Variants in EBF1 observed in about 807,000 individuals in gnomAD.
EBF1 encodes EBF transcription factor 1.
In EBF1, 10 loss-of-function variants were observed where a neutral mutation model predicts 68.4. That is an observed-to-expected ratio of 0.15 (90% confidence interval 0.09 to 0.25). The LOEUF is 0.25. Ranked by LOEUF, EBF1 falls within the 10% of genes least tolerant of loss-of-function variation. The pLI, the probability that EBF1 is intolerant of heterozygous loss-of-function variation, is 1.00. For synonymous variants in EBF1, 298 were observed against 299.8 expected (o/e 0.99, Z 0.06); for missense variants, 509 against 794.4 (o/e 0.64, Z 4.32).
At chr5:158,903,463 G>C (rs1205388606) in intron 6 of EBF1, among the ~76,000 whole-genome samples, 1 of 152,058 alleles carries the variant, frequency 6.6e-6, no homozygotes, top group Non-Finnish European at 1.5e-5. Context: ...CCTTGATTAG[G>C]GGTTACAGAA....
chr5:158,966,586 C>T (rs1754192045), intron 6 of EBF1, among the ~76,000 whole-genome samples: 1 of 152,130 alleles, frequency 6.6e-6, no homozygotes, highest in Non-Finnish European at 1.5e-5. Flanking sequence ...AAAAAGTACA[C>T]TCTTAGAAGG....
intron 6 of EBF1, among the ~76,000 whole-genome samples, chr5:158,872,081 A>G (rs2128062082): frequency 6.6e-6 from 1 of 152,346 alleles, no homozygotes; most frequent in East Asian, 1.9e-4. Context: ...CAAAACAGAC[A>G]CTAATAAGTA....
chr5:158,902,092 C>CA lies in EBF1; in HGVS notation c.555-61983dup, dbSNP rs573855923. Among the ~76,000 whole-genome samples the CA allele has an allele frequency of 7.2e-5, 11 of 151,904 alleles. No homozygotes were observed. The South Asian group carries it at 2.1e-3, about 29-fold the overall frequency. ...GGCACGACAGAGCAAGACTCCATCT[C>CA]AAAAAACAAAAAAACAAAACAGAAG... is the stretch of plus-strand genomic sequence containing the variant. On this transcript the variant is annotated intron_variant, in intron 6 of 15. Transcript: ENST00000313708.
intron 10 of EBF1, among the ~76,000 whole-genome samples, chr5:158,756,803 TCATGCATGTGC>T (rs1421368206): frequency 1.3e-5 from 2 of 151,780 alleles, no homozygotes; most frequent in African/African-American, 2.4e-5. Context: ...AGTGTGAAAT[TCATGCATGTGC>T]CACGGTTTGT....
intron 6 of EBF1, among the ~76,000 whole-genome samples, chr5:158,885,717 A>G (rs1799907408): frequency 6.6e-6 from 1 of 152,154 alleles, no homozygotes; most frequent in South Asian, 2.1e-4. Flanking sequence ...AAGGTCCACA[A>G]TGTCTGGGCA....
chr5:158,709,515 C>A (rs571365916), intron 14 of EBF1, among the ~76,000 whole-genome samples: 4 of 152,290 alleles, frequency 2.6e-5, no homozygotes, highest in Non-Finnish European at 4.4e-5. Context: ...TCCCATGAGC[C>A]CACCAGAGTC....
At chr5:158,699,653 C>T (rs1303795889) in intron 15 of EBF1, among the ~76,000 whole-genome samples, 1 of 152,196 alleles carries the variant, frequency 6.6e-6, no homozygotes, top group Non-Finnish European at 1.5e-5. Flanking sequence ...TGCTTAGGTC[C>T]TTAAGCTGGG....
At chr5:158,927,966 G>A (rs2127428795) in intron 6 of EBF1, among the ~76,000 whole-genome samples, 2 of 152,306 alleles carry the variant, frequency 1.3e-5, no homozygotes, top group Non-Finnish European at 2.9e-5. Context: ...CACCCAGGCA[G>A]CCTGCCTAAA....
At position 159,079,885 on chromosome 5, in the gene EBF1, G is replaced by A. The variant is rs886643428; in HGVS notation, c.485+4781C>T. 7.2e-5 allele frequency among the ~76,000 whole-genome samples: 11 copies of A among 151,950 alleles called. No homozygotes were observed. The South Asian group carries it at 1.5e-3, about 20-fold the overall frequency. ...CCACCTCGGCCTCCCATAATGCTGG[G>A]ATTACAGACATGAGCCACCGTACCT... On this transcript the variant is annotated intron_variant, in intron 5 of 15. Coordinates refer to ENST00000313708, the MANE Select transcript of EBF1 (RefSeq NM_024007.5).
chr5:158,915,779 C>T (rs1807070607), intron 6 of EBF1, among the ~76,000 whole-genome samples: 1 of 152,158 alleles, frequency 6.6e-6, no homozygotes, highest in African/African-American at 2.4e-5. Context: ...TAAGTAAAAA[C>T]AAGAAAAGAA....
intron 15 of EBF1, among the ~76,000 whole-genome samples, chr5:158,700,068 G>C (rs1756396709): frequency 6.6e-6 from 1 of 152,214 alleles, no homozygotes; most frequent in Non-Finnish European, 1.5e-5. Flanking sequence ...CATGCAAAGT[G>C]CTTAGCCTGG....
chr5:158,777,331 A>G, intron 10 of EBF1, 82 bp downstream of exon 10: 3 of 1,333,352 alleles, frequency 2.2e-6, no homozygotes, highest in South Asian at 2.4e-5. Context: ...AATAAAATAC[A>G]TGCTTTTATA....
chr5:159,075,683 A>C (rs537724093), intron 5 of EBF1, among the ~76,000 whole-genome samples: 1 of 152,124 alleles, frequency 6.6e-6, no homozygotes, highest in African/African-American at 2.4e-5. Flanking sequence ...AGCTTTTCCA[A>C]ATGTCAGTGG....
At chr5:158,934,869 A>G (rs910353893) in intron 6 of EBF1, among the ~76,000 whole-genome samples, 4 of 152,210 alleles carry the variant, frequency 2.6e-5, no homozygotes, top group Non-Finnish European at 5.9e-5. Context: ...TTCTTTATGT[A>G]TATGATTGCA....
At chr5:158,837,549 C>T (rs1384864586) in intron 7 of EBF1, among the ~76,000 whole-genome samples, 1 of 152,154 alleles carries the variant, frequency 6.6e-6, no homozygotes, top group Admixed American at 6.5e-5. Context: ...CTATGTTGTG[C>T]CTCCTCATCT....
rs79562828 is a variant in EBF1, at chr5:158,967,299, A to G, written c.554+106097T>C. 6.7e-3 allele frequency among the ~76,000 whole-genome samples: 1,028 copies of G among 152,326 alleles called. 17 individuals are homozygous for G. Among genetic ancestry groups the G allele is most frequent in the African/African-American group, 0.024 (978 of 41,574 alleles). The stretch of plus-strand genomic sequence containing the variant: ...AAGGTGAAAAATATTCTTATTTTGG[A>G]AAGGCTAAACTAAAATACAAGTTTC... On this transcript the variant is annotated intron_variant, in intron 6 of 15. Transcript: ENST00000313708.
intron 6 of EBF1, among the ~76,000 whole-genome samples, chr5:158,888,615 T>G (rs1800513828): frequency 6.6e-6 from 1 of 152,084 alleles, no homozygotes; most frequent in African/African-American, 2.4e-5. Context: ...ATTGACAAAT[T>G]ATATTAAAGA....
At position 158,959,505 on chromosome 5, in the gene EBF1, T is replaced by C. The variant is rs1174398382; in HGVS notation, c.554+113891A>G. ...TGGGGTTTCACCATGTTGACCAAGC[T>C]TGTCTGAATCTCCTGACCTCAGGCA... On this transcript the variant is annotated intron_variant, in intron 6 of 15. Transcript: ENST00000313708. Among the ~76,000 whole-genome samples, 3 of 152,138 alleles carry C rather than the reference T, an allele frequency of 2.0e-5. No individual in the cohort carries two copies. In the East Asian group the frequency reaches 5.8e-4, roughly 29 times the overall value.
intron 10 of EBF1, among the ~76,000 whole-genome samples, chr5:158,760,919 T>C (rs1327260109): frequency 6.6e-6 from 1 of 152,230 alleles, no homozygotes; most frequent in Non-Finnish European, 1.5e-5. Context: ...AGGGACAGAA[T>C]GTACTGACAT....
Sources: gnomAD v4.1 joint callset for allele counts (sites outside exome capture counted in the v4.1 genomes callset) on GRCh38, gnomAD v4.1.1 for gene constraint, MANE v1.5 for transcripts, NCBI Gene and HGNC (gene_info 2026-07-23, HGNC 2026-07-21) for gene names.